The following CSMD1 variants were observed in gnomAD, a reference collection of about 807,000 sequenced individuals.
CSMD1 encodes CUB and Sushi multiple domains 1.
CSMD1 carries 213 observed loss-of-function variants against 417.5 expected under a neutral mutation model. The ratio of observed to expected loss-of-function variants is 0.51; its 90% CI spans 0.46 to 0.57. The LOEUF is 0.57. Ranked by LOEUF, CSMD1 falls within the 20% of genes least tolerant of loss-of-function variation. The probability of loss-of-function intolerance (pLI) is 0.00; values close to 1 mark genes in which losing one functional copy is unlikely to be tolerated. For synonymous variants in CSMD1, 2,862 were observed against 1,736.8 expected (o/e 1.65, Z -16.11); for missense variants, 6,923 against 4,529.7 (o/e 1.53, Z -15.17).
chr8:4,655,379 C>G lies in CSMD1; in HGVS notation c.86-17821G>C, dbSNP rs553640004. 2.6e-5 allele frequency among the ~76,000 whole-genome samples: 4 copies of G among 151,836 alleles called. No individual in the cohort carries two copies. In the South Asian group the frequency reaches 8.3e-4, roughly 32 times the overall value. Reference sequence around the variant, plus strand: ...TGAAAGTGGCTTCCAGGAGACCAAACAAAACTAAGTGATAGGAAGTAAATG... The same window carrying G: ...TGAAAGTGGCTTCCAGGAGACCAAAGAAAACTAAGTGATAGGAAGTAAATG... On this transcript the variant is annotated intron_variant, in intron 1 of 69. Coordinates refer to ENST00000635120, the MANE Select transcript of CSMD1 (RefSeq NM_033225.6).
At chr8:4,684,244 C>T (rs1806229245) in intron 1 of CSMD1, among the ~76,000 whole-genome samples, 2 of 152,194 alleles carry the variant, frequency 1.3e-5, no homozygotes, top group African/African-American at 4.8e-5. Context: ...CTTCGGACAA[C>T]TTTCTACAAT....
intron 26 of CSMD1, among the ~76,000 whole-genome samples, chr8:3,230,686 G>C (rs1490543156): frequency 8.5e-5 from 13 of 152,118 alleles, no homozygotes; most frequent in Admixed American, 3.3e-4. Flanking sequence ...CCTTTGTTGA[G>C]ATGCCAAGGG....
At chr8:4,017,408 C>T (rs1012456214) in intron 4 of CSMD1, among the ~76,000 whole-genome samples, 1 of 152,060 alleles carries the variant, frequency 6.6e-6, no homozygotes, top group African/African-American at 2.4e-5. Flanking sequence ...CGGGTTCAAT[C>T]GATTCTCCTG....
intron 26 of CSMD1, among the ~76,000 whole-genome samples, chr8:3,265,707 T>G (rs1055396921): frequency 3.3e-5 from 5 of 152,170 alleles, no homozygotes; most frequent in African/African-American, 1.2e-4. Flanking sequence ...CTGAAGAGGT[T>G]TTTTTCTCAA....
At chr8:3,216,528 T>C (rs1413043221) in intron 29 of CSMD1, among the ~76,000 whole-genome samples, 1 of 152,246 alleles carries the variant, frequency 6.6e-6, no homozygotes, top group Non-Finnish European at 1.5e-5. Context: ...AAATATCACC[T>C]ACACAACTTT....
At chr8:3,397,435 T>C (rs971814931) in intron 16 of CSMD1, among the ~76,000 whole-genome samples, 3 of 152,144 alleles carry the variant, frequency 2.0e-5, no homozygotes, top group Admixed American at 2.0e-4. Context: ...TTAGTGCAAA[T>C]GCACATGATT....
chr8:3,196,380 G>T (rs953642195), intron 33 of CSMD1, among the ~76,000 whole-genome samples: 4 of 152,098 alleles, frequency 2.6e-5, no homozygotes, highest in South Asian at 2.1e-4. Flanking sequence ...CCATGCTGCT[G>T]CTCTATGGAT....
intron 3 of CSMD1, among the ~76,000 whole-genome samples, chr8:4,415,869 A>G (rs1796907001): frequency 6.6e-6 from 1 of 152,226 alleles, no homozygotes; most frequent in South Asian, 2.1e-4. Context: ...TATATACAAG[A>G]GGAAACAGTG....
At chr8:3,324,896 C>T (rs191683713) in intron 23 of CSMD1, among the ~76,000 whole-genome samples, 180 of 151,954 alleles carry the variant, frequency 1.2e-3, no homozygotes, top group Non-Finnish European at 1.5e-3. Context: ...TCATGTTCCT[C>T]GGTCTAGTTG....
chr8:3,878,501 C>T (rs139048217), intron 5 of CSMD1, among the ~76,000 whole-genome samples: 1 of 151,872 alleles, frequency 6.6e-6, no homozygotes, highest in Non-Finnish European at 1.5e-5. Flanking sequence ...CACAAGCTAG[C>T]TTTTTAATAT....
At chr8:3,280,260 G>A (rs1277582519) in intron 26 of CSMD1, among the ~76,000 whole-genome samples, 3 of 152,090 alleles carry the variant, frequency 2.0e-5, no homozygotes, top group Non-Finnish European at 4.4e-5. Flanking sequence ...CATCCAGCGT[G>A]GAATTATGGA....
At chr8:3,384,143 C>T (rs2649638) in intron 18 of CSMD1, among the ~76,000 whole-genome samples, 5 of 152,126 alleles carry the variant, frequency 3.3e-5, no homozygotes, top group Non-Finnish European at 7.3e-5. Context: ...CATGTTTACT[C>T]TGGGAAATGC....
chr8:4,069,916 C>T (rs566658664), intron 3 of CSMD1, among the ~76,000 whole-genome samples: 2 of 152,062 alleles, frequency 1.3e-5, no homozygotes, highest in African/African-American at 2.4e-5. Context: ...TGTTTTTTAC[C>T]ACTTTGTATA....
At chr8:3,522,111 C>A (rs879883067) in intron 10 of CSMD1, among the ~76,000 whole-genome samples, 4 of 152,046 alleles carry the variant, frequency 2.6e-5, no homozygotes, top group Admixed American at 1.3e-4. Flanking sequence ...TTTTTTAACC[C>A]TCAATTCTGT....
At chr8:4,490,163 C>G (rs1397236285) in intron 2 of CSMD1, among the ~76,000 whole-genome samples, 1 of 151,576 alleles carries the variant, frequency 6.6e-6, no homozygotes, top group Non-Finnish European at 1.5e-5. Context: ...GCTTCAGCCT[C>G]TCAGGTAGCT....
At chr8:4,262,871 G>T (rs962843081) in intron 3 of CSMD1, among the ~76,000 whole-genome samples, 2 of 152,240 alleles carry the variant, frequency 1.3e-5, no homozygotes, top group Middle Eastern at 6.8e-3. Context: ...AATAAAAACA[G>T]CATTTGCAAC....
At chr8:3,777,746 C>G (rs992785301) in intron 5 of CSMD1, among the ~76,000 whole-genome samples, 21 of 152,238 alleles carry the variant, frequency 1.4e-4, no homozygotes, top group African/African-American at 4.1e-4. Flanking sequence ...GACCTGCAGC[C>G]TCCTTGAAGT....
chr8:3,129,361 T>G (rs1456590324), intron 41 of CSMD1, among the ~76,000 whole-genome samples: 1 of 152,248 alleles, frequency 6.6e-6, no homozygotes, highest in African/African-American at 2.4e-5. Context: ...TTTTGCAGGT[T>G]TGCTTGTTTG....
chr8:3,230,336 T>C (rs1317640137), intron 26 of CSMD1, 105 bp from the exon 27 acceptor site: 4 of 841,026 alleles, frequency 4.8e-6, no homozygotes, highest in Non-Finnish European at 7.1e-6. Flanking sequence ...ATTGGCCTAA[T>C]AAGTCATTTG....
Sources: gnomAD v4.1 joint callset for allele counts (sites outside exome capture counted in the v4.1 genomes callset) on GRCh38, gnomAD v4.1.1 for gene constraint, MANE v1.5 for transcripts, NCBI Gene and HGNC (gene_info 2026-07-23, HGNC 2026-07-21) for gene names.